GRIK1: variants seen among roughly 807,000 people sequenced by gnomAD.
GRIK1 encodes the protein glutamate ionotropic receptor kainate type subunit 1, also known as glutamate receptor ionotropic, kainate 1.
In GRIK1, 69 loss-of-function variants were observed where a neutral mutation model predicts 105.7. The observed-to-expected ratio is 0.65, with a 90% CI of 0.54 to 0.80. GRIK1 has a LOEUF of 0.80. Among genes scored for constraint, GRIK1 ranks in the 30% least tolerant of loss-of-function variants. The pLI, the probability that GRIK1 is intolerant of heterozygous loss-of-function variation, is 0.00. For synonymous variants in GRIK1, 438 were observed against 431.3 expected (o/e 1.02, Z -0.19); for missense variants, 1,109 against 1,167.3 (o/e 0.95, Z 0.73).
intron 1 of GRIK1, among the ~76,000 whole-genome samples, chr21:29,883,798 A>G (rs1305386960): frequency 1.3e-5 from 2 of 152,048 alleles, no homozygotes; most frequent in African/African-American, 4.8e-5. Context: ...GAAAATTAGA[A>G]CAGACACATT....
chr21:29,828,255 G>T (rs2067529046), intron 1 of GRIK1, among the ~76,000 whole-genome samples: 1 of 151,996 alleles, frequency 6.6e-6, no homozygotes, highest in Non-Finnish European at 1.5e-5. Flanking sequence ...TGATTACCAG[G>T]AGGCATGGTT....
At chr21:29,839,246 C>A (rs1248128078) in intron 1 of GRIK1, among the ~76,000 whole-genome samples, 1 of 152,036 alleles carries the variant, frequency 6.6e-6, no homozygotes, top group Non-Finnish European at 1.5e-5. Flanking sequence ...GACAGGGTTT[C>A]ATTATGTTGG....
At chr21:29,648,540 ATACATATTTATTGACGGTGTAC>A (rs546197555) in intron 6 of GRIK1, among the ~76,000 whole-genome samples, 2,144 of 152,312 alleles carry the variant, frequency 0.014, 30 homozygotes, top group Middle Eastern at 0.037. Context: ...TCTTTATTAA[ATACATATTTATTGACGGTGTAC>A]TTCGCACTGG....
At chr21:29,833,194 T>C (rs1036707383) in intron 1 of GRIK1, among the ~76,000 whole-genome samples, 1 of 152,214 alleles carries the variant, frequency 6.6e-6, no homozygotes, top group Non-Finnish European at 1.5e-5. Flanking sequence ...ACTTCATTGA[T>C]GATATTACTA....
At chr21:29,754,965 G>T (rs751820386) in intron 1 of GRIK1, among the ~76,000 whole-genome samples, 13 of 151,854 alleles carry the variant, frequency 8.6e-5, no homozygotes, top group African/African-American at 1.9e-4. Context: ...AATCTATCTA[G>T]CTAGCTACCT....
At chr21:29,674,498 C>T (rs1475604184) in intron 3 of GRIK1, among the ~76,000 whole-genome samples, 1 of 152,088 alleles carries the variant, frequency 6.6e-6, no homozygotes, top group African/African-American at 2.4e-5. Context: ...TGTGTCCCCA[C>T]TCAAATCTTA....
intron 1 of GRIK1, among the ~76,000 whole-genome samples, chr21:29,792,097 ATG>A (rs1027047196): frequency 2.9e-4 from 44 of 152,192 alleles, no homozygotes; most frequent in East Asian, 9.6e-4. Context: ...ACTGACTGTT[ATG>A]TGTGTGTGTA....
chr21:29,871,599 T>C (rs2069014235), intron 1 of GRIK1, among the ~76,000 whole-genome samples: 1 of 151,960 alleles, frequency 6.6e-6, no homozygotes, highest in African/African-American at 2.4e-5. Flanking sequence ...AATATGGATA[T>C]GTATCTGGTG....
intron 4 of GRIK1, among the ~76,000 whole-genome samples, chr21:29,668,772 G>C (rs1188182392): frequency 6.6e-6 from 1 of 152,134 alleles, no homozygotes; most frequent in Non-Finnish European, 1.5e-5. Flanking sequence ...CCTCCTTTCA[G>C]CCACTCCCTC....
At chr21:29,705,915 C>T (rs145597386) in intron 1 of GRIK1, among the ~76,000 whole-genome samples, 1 of 150,064 alleles carries the variant, frequency 6.7e-6, no homozygotes, top group East Asian at 1.9e-4. Flanking sequence ...GCTCTGTCAC[C>T]CAGGCTGCAT....
chr21:29,858,854 ACTT>A (rs1175763959), intron 1 of GRIK1, among the ~76,000 whole-genome samples: 1 of 151,340 alleles, frequency 6.6e-6, no homozygotes, highest in African/African-American at 2.4e-5. Context: ...CAAACACACA[ACTT>A]CTTTGCACAC....
chr21:29,571,026 T>C (rs192705211), intron 14 of GRIK1, among the ~76,000 whole-genome samples: 1 of 152,298 alleles, frequency 6.6e-6, no homozygotes, highest in East Asian at 1.9e-4. Flanking sequence ...CCTCCCCGTC[T>C]CAGTCACGTC....
chr21:29,642,898 G>A lies in GRIK1; in HGVS notation c.1026C>T (p.Thr342=), dbSNP rs767185056. The A allele has an allele frequency of 2.2e-5, 35 of 1,613,130 alleles. No homozygotes were observed. Among genetic ancestry groups the A allele is most frequent in the African/African-American group, 4.0e-5 (3 of 74,906 alleles). Reference sequence around the variant, plus strand: ...GTCTATGGCACTGCAGGGAGCTGACGGTCAGCTGGGATGCCCGGTGCGAGG... The same window carrying A: ...GTCTATGGCACTGCAGGGAGCTGACAGTCAGCTGGGATGCCCGGTGCGAGG... The part of the protein sequence containing the change: ...AIASHRASQL[T]VSSLQCHRHK... The change falls in exon 7 of 18, where the codon ACC becomes ACT. Residue 342 remains threonine, a synonymous_variant. Transcript: ENST00000327783.
At chr21:29,748,676 G>C (rs1308012413) in intron 1 of GRIK1, among the ~76,000 whole-genome samples, 1 of 152,194 alleles carries the variant, frequency 6.6e-6, no homozygotes, top group African/African-American at 2.4e-5. Flanking sequence ...GAGATTGTGT[G>C]TTCTGGGCCT....
chr21:29,890,060 G>A (rs901192574), intron 1 of GRIK1, among the ~76,000 whole-genome samples: 3 of 152,052 alleles, frequency 2.0e-5, no homozygotes, highest in Non-Finnish European at 2.9e-5. Flanking sequence ...TTGACAATAA[G>A]TCATGTGATA....
chr21:29,840,138 C>A (rs1360653472), intron 1 of GRIK1, among the ~76,000 whole-genome samples: 1 of 151,998 alleles, frequency 6.6e-6, no homozygotes, highest in Non-Finnish European at 1.5e-5. Context: ...CCTTTTTAAG[C>A]CTTGAAATTA....
chr21:29,797,287 A>T (rs1207125503), intron 1 of GRIK1, among the ~76,000 whole-genome samples: 1 of 152,212 alleles, frequency 6.6e-6, no homozygotes, highest in Non-Finnish European at 1.5e-5. Flanking sequence ...CCACGCAGAA[A>T]GCATCAGTGG....
intron 1 of GRIK1, among the ~76,000 whole-genome samples, chr21:29,825,103 G>C (rs1268569493): frequency 1.3e-5 from 2 of 152,006 alleles, no homozygotes; most frequent in African/African-American, 4.8e-5. Flanking sequence ...TCATTTAAGG[G>C]ATGATTAAAG....
chr21:29,693,113 C>A (rs1023323605), intron 2 of GRIK1, among the ~76,000 whole-genome samples: 1 of 152,074 alleles, frequency 6.6e-6, no homozygotes, highest in Non-Finnish European at 1.5e-5. Context: ...AGGCAAAGAA[C>A]CCCCCCAATC....
Sources: allele counts gnomAD v4.1 joint callset (sites outside exome capture counted in the v4.1 genomes callset), GRCh38; gene constraint gnomAD v4.1.1; transcripts MANE v1.5; gene names NCBI Gene and HGNC (gene_info 2026-07-23, HGNC 2026-07-21).